Variants in PIGG observed in about 807,000 individuals in gnomAD.
The protein encoded by PIGG is GPI ethanolamine phosphate transferase 2, catalytic subunit.
A neutral mutation model predicts 83.2 loss-of-function variants in PIGG; 70 were observed. The observed-to-expected ratio is 0.84, with a 90% CI of 0.69 to 1.03. The LOEUF (loss-of-function observed/expected upper bound fraction) is 1.03, where lower values mean the gene tolerates loss of function less well. PIGG is among the 50% of genes least tolerant of loss of function. PIGG has a pLI of 0.00. For synonymous variants in PIGG, 532 were observed against 519.5 expected, an observed-to-expected ratio of 1.02 and a Z score of -0.33; for missense variants, 1,257 against 1,233.6, an observed-to-expected ratio of 1.02 and a Z score of -0.28.
chr4:536,997 G>C (rs891617749), intron 12 of PIGG: 1 of 152,218 alleles, frequency 6.6e-6, no homozygotes, highest in Non-Finnish European at 1.5e-5. Flanking sequence ...AGGCACGTTT[G>C]TGTTTGGGAG....
At chr4:525,218 G>A in intron 9 of PIGG, 1 of 985,336 alleles carries the variant, frequency 1.0e-6, no homozygotes, top group Non-Finnish European at 1.2e-6. Flanking sequence ...GCCTTTCATT[G>A]GCGACTGGAA....
intron 12 of PIGG, among the ~76,000 whole-genome samples, chr4:534,982 G>A (rs940399963): frequency 6.6e-6 from 1 of 152,230 alleles, no homozygotes; most frequent in Admixed American, 6.5e-5. Context: ...CCACACGCCC[G>A]TCTTCTCTGC....
intron 3 of PIGG, chr4:506,714 G>A (rs1719840796): frequency 4.4e-6 from 2 of 454,740 alleles, no homozygotes. Context: ...AGCTCTATTG[G>A]GGGCTGATCA....
chr4:500,087 G>T (rs1260007302), intron 1 of PIGG: 2 of 331,688 alleles, frequency 6.0e-6, no homozygotes, highest in Non-Finnish European at 1.1e-5. Context: ...GCAGCTCTGC[G>T]TTTTAGGTCA....
intron 1 of PIGG, 52 bp downstream of exon 1, chr4:499,541 AGAC>A (rs1716776180): frequency 6.6e-7 from 1 of 1,516,754 alleles, no homozygotes; most frequent in Non-Finnish European, 8.8e-7. Flanking sequence ...ATCCCCTAGA[AGAC>A]CTTTTTTCTG....
At chr4:512,546 C>T (rs530274893) in intron 5 of PIGG, among the ~76,000 whole-genome samples, 137 of 152,054 alleles carry the variant, frequency 9.0e-4, no homozygotes, top group East Asian at 1.6e-3. Flanking sequence ...TGGCCTGGCA[C>T]GGTGGCTCAT....
chr4:509,081 C>T (rs1720941124), intron 5 of PIGG, 111 bp downstream of exon 5: 1 of 808,598 alleles, frequency 1.2e-6, no homozygotes, highest in Non-Finnish European at 1.9e-6. Context: ...TTGAAGTCCC[C>T]AAGCAATGTG....
chr4:509,137 C>T (rs560234729), intron 5 of PIGG, among the ~76,000 whole-genome samples, 167 bp downstream of exon 5: 5 of 152,176 alleles, frequency 3.3e-5, no homozygotes, highest in Non-Finnish European at 7.3e-5. Flanking sequence ...TCTGAAGTTA[C>T]GTTCCTTCCC....
intron 8 of PIGG, chr4:522,336 C>A: frequency 2.4e-6 from 1 of 422,346 alleles, no homozygotes; most frequent in South Asian, 3.5e-5. Context: ...TCGGCCTGGA[C>A]ACTCAGGAGG....
intron 6 of PIGG, 95 bp from the exon 7 acceptor site, chr4:520,961 G>A (rs1405548897): frequency 8.3e-6 from 7 of 839,166 alleles, no homozygotes; most frequent in Middle Eastern, 2.3e-4. Context: ...AGGCTTTGCC[G>A]TGTGCCATGC....
In PIGG at chr4:535,333, G is replaced by C. The variant is rs1488477761; in HGVS notation, c.2735+1352G>C. On this transcript the variant is annotated intron_variant, in intron 12 of 12. Coordinates refer to ENST00000453061, the MANE Select transcript of PIGG (RefSeq NM_001127178.3). ...CTAGTGGCCCCTGCGGCATCTACTA[G>C]AGTGCCCCGTGCTCCACGCTTGTCC... Among the ~76,000 whole-genome samples, 3 of 130,032 alleles carry C rather than the reference G, an allele frequency of 2.3e-5. No homozygotes were observed. The East Asian group carries it at 6.6e-4, about 29-fold the overall frequency. 85.3% of individuals were successfully genotyped at this position (130,032 alleles called of 152,430 possible).
At chr4:500,125 C>T (rs1717067490) in intron 1 of PIGG, 1 of 423,472 alleles carries the variant, frequency 2.4e-6, no homozygotes, top group Non-Finnish European at 4.3e-6. Context: ...ATTCCAGGAC[C>T]CTTACGTAGG....
intron 2 of PIGG, chr4:502,108 T>C (rs1332602779): frequency 6.6e-6 from 1 of 152,232 alleles, no homozygotes; most frequent in Non-Finnish European, 1.5e-5. Flanking sequence ...CTTTTCTCCT[T>C]TTCTTTTAAG....
chr4:521,541 A>C, intron 7 of PIGG, 119 bp from the exon 8 acceptor site: 1 of 959,676 alleles, frequency 1.0e-6, no homozygotes, highest in Non-Finnish European at 1.5e-6. Context: ...TCTTTTCCTG[A>C]GCTTGCTTTT....
At chr4:530,231 C>T (rs907638494) in intron 10 of PIGG, among the ~76,000 whole-genome samples, 15 of 152,120 alleles carry the variant, frequency 9.9e-5, no homozygotes, top group Non-Finnish European at 1.9e-4. Context: ...CCTGTGGCGG[C>T]GGCTCCTCAG....
At position 515,323 on chromosome 4, in the gene PIGG, T is replaced by C. The variant is rs945629911; in HGVS notation, c.902-650T>C. 3.9e-5 allele frequency among the ~76,000 whole-genome samples: 6 copies of C among 152,252 alleles called. No homozygotes were observed. Among genetic ancestry groups the C allele is most frequent in the African/African-American group, 1.4e-4 (6 of 41,470 alleles). On this transcript the variant is annotated intron_variant, in intron 5 of 12. Transcript: ENST00000453061. This position sits in a 1 kb window ranked among gnomAD's most constrained non-coding sequence, Gnocchi z 4.2. ...GTGGCAGAGCAGTGGCCTAGGCCCA[T>C]GGTGCTGACATCACAGCCATTCTTG...
In PIGG at chr4:539,443, A is replaced by G. The variant is rs1731551444; in HGVS notation, c.*74A>G. ...TTCTAAAATGAAAGATATGAATTCA[A>G]CAAAGTTGATGGATAACTTTCTTTG... On this transcript the variant is annotated 3_prime_UTR_variant, in exon 13 of 13. Transcript: ENST00000453061. 1 of 912,100 alleles carries G rather than the reference A, an allele frequency of 1.1e-6. No individual in the cohort carries two copies. The allele number at this position is 912,100 out of a possible 1,614,324, so 56.5% of individuals were successfully genotyped here. A position where few individuals can be genotyped will look rare whatever the true frequency, so the allele number is the denominator to read the frequency against.
chr4:512,603 G>A (rs535301355), intron 5 of PIGG, among the ~76,000 whole-genome samples: 1 of 151,836 alleles, frequency 6.6e-6, no homozygotes, highest in Non-Finnish European at 1.5e-5. Flanking sequence ...GATCACAAGG[G>A]CAGAAGTTCG....
rs1276319544 is a variant in PIGG at position 516,084 on chromosome 4, T to C, written c.1013T>C (p.Val338Ala). The C allele has an allele frequency of 3.1e-6, 5 of 1,613,630 alleles. No homozygotes were observed. Among genetic ancestry groups the C allele is most frequent in the African/African-American group, 2.7e-5 (2 of 74,840 alleles). ...AGTGTAGGGAGCCTCCTATTCCCAG[T>C]TGTGGAAGGAAGACCAATGAGAGAG... ...KDSVGSLLFP[V>A]VEGRPMREQL... The change falls in exon 6 of 13, where the codon GTT (valine) becomes GCT (alanine). Residue 338 changes from valine (V) to alanine (A), a missense_variant. Coordinates refer to ENST00000453061, the MANE Select transcript of PIGG (RefSeq NM_001127178.3).
Sources: gnomAD v4.1 joint callset for allele counts (sites outside exome capture counted in the v4.1 genomes callset) on GRCh38, gnomAD v4.1.1 for gene constraint, Gnocchi (gnomAD v3.1) non-coding constraint, MANE v1.5 for transcripts, NCBI Gene and HGNC (gene_info 2026-07-23, HGNC 2026-07-21) for gene names.